The following AIF1L variants were observed in gnomAD, a reference collection of about 807,000 sequenced individuals.
AIF1L encodes allograft inflammatory factor 1 like.
Under a neutral mutation model 20.7 loss-of-function variants are expected in AIF1L, and 12 were observed. The ratio of observed to expected loss-of-function variants is 0.58; its 90% CI spans 0.37 to 0.94. The LOEUF (loss-of-function observed/expected upper bound fraction) is 0.94, where lower values mean the gene tolerates loss of function less well. AIF1L is among the 40% of genes least tolerant of loss of function. The pLI is 0.01. For missense variants in AIF1L, 173 were observed against 185.3 expected, an observed-to-expected ratio of 0.93 and a Z score of 0.39; for synonymous variants, 76 against 65.1, an observed-to-expected ratio of 1.17 and a Z score of -0.81.
In AIF1L at chr9:131,117,751, G is replaced by A. The variant is rs1293711862; in HGVS notation, c.203-5G>A. On this transcript the variant is annotated splice_region_variant and splice_polypyrimidine_tract_variant and intron_variant, in intron 4 of 5. Coordinates refer to ENST00000247291, the MANE Select transcript of AIF1L (RefSeq NM_031426.4). ...CACTTAACAGATCTGCTTTTCCCCCGGCAGACCTGATGTCTTTAAAGAGGA... is the reference window on the plus strand; with the variant it reads ...CACTTAACAGATCTGCTTTTCCCCCAGCAGACCTGATGTCTTTAAAGAGGA... The A allele has an allele frequency of 8.1e-6, 13 of 1,604,996 alleles. No homozygotes were observed. Among genetic ancestry groups the A allele is most frequent in the South Asian group, 3.3e-5 (3 of 89,908 alleles).
rs1307563187 is a variant in AIF1L at position 131,122,884 on chromosome 9, G to C, written c.*2562G>C. 2.0e-5 allele frequency: 3 copies of C among 152,318 alleles called. No individual in the cohort carries two copies. The highest frequency in any genetic ancestry group is 7.2e-5 in the African/African-American group (3 of 41,462). 9.4% of individuals were successfully genotyped at this position (152,318 alleles called of 1,614,324 possible). A position where few individuals can be genotyped will look rare whatever the true frequency, so the allele number is the denominator to read the frequency against. On this transcript the variant is annotated 3_prime_UTR_variant, in exon 6 of 6. Transcript: ENST00000247291. Reference sequence around the variant, plus strand: ...GCGGGGGCAGTCTGCATCTATTTCAGGTTGTGGCTCTTGGTTCTAGGACTC... The same window carrying C: ...GCGGGGGCAGTCTGCATCTATTTCACGTTGTGGCTCTTGGTTCTAGGACTC...
At position 131,117,745 on chromosome 9, in the gene AIF1L, T is replaced by TC. The variant is rs112041142; in HGVS notation, c.203-6dup. ...CATCTCCACTTAACAGATCTGCTTT[T>TC]CCCCCGGCAGACCTGATGTCTTTAA... is the stretch of plus-strand genomic sequence containing the variant. On this transcript the variant is annotated splice_polypyrimidine_tract_variant and intron_variant, in intron 4 of 5. Transcript: ENST00000247291. The TC allele has an allele frequency of 6.2e-7, 1 of 1,600,864 alleles. No homozygotes were observed. Among genetic ancestry groups the TC allele is most frequent in the East Asian group, 2.2e-5 (1 of 44,674 alleles).
rs572147108 is a variant in AIF1L, at chr9:131,119,423, C to T, written c.366-812C>T. Among the ~76,000 whole-genome samples the T allele has an allele frequency of 1.4e-4, 21 of 151,844 alleles. No homozygotes were observed. In the South Asian group the frequency reaches 3.7e-3, roughly 27 times the overall value. On this transcript the variant is annotated intron_variant, in intron 5 of 5. Coordinates refer to ENST00000247291, the MANE Select transcript of AIF1L (RefSeq NM_031426.4). Reference sequence around the variant, plus strand: ...GGCTGAGGCAGGAGAATCACTTGAGCCCAGGAGGCGGAGGTTGCAGTGAGC... The same window carrying T: ...GGCTGAGGCAGGAGAATCACTTGAGTCCAGGAGGCGGAGGTTGCAGTGAGC...
At chr9:131,120,180 A>C in intron 5 of AIF1L, 55 bp from the exon 6 acceptor site, 544 of 1,425,392 alleles carry the variant, frequency 3.8e-4, no homozygotes, top group Non-Finnish European at 4.9e-4. Context: ...TGGATGAGGG[A>C]AGGATCCTAA....
chr9:131,109,038 A>G (rs539461777), intron 2 of AIF1L, among the ~76,000 whole-genome samples: 23 of 152,218 alleles, frequency 1.5e-4, no homozygotes, highest in Non-Finnish European at 3.2e-4. Flanking sequence ...GAAGTAGGTC[A>G]AGTGATTAAT....
chr9:131,109,929 GC>G (rs1334046736), intron 2 of AIF1L, among the ~76,000 whole-genome samples: 1 of 152,134 alleles, frequency 6.6e-6, no homozygotes, highest in East Asian at 1.9e-4. Context: ...GTAGCTACTG[GC>G]CGGGCGCCGT....
At chr9:131,118,547 T>TC (rs1371778206) in intron 5 of AIF1L, among the ~76,000 whole-genome samples, 13 of 150,196 alleles carry the variant, frequency 8.7e-5, no homozygotes, top group African/African-American at 3.2e-4. Flanking sequence ...GCCTTAGTTT[T>TC]CCTTTTTTTT....
chr9:131,113,158 G>C (rs10121209), intron 3 of AIF1L, among the ~76,000 whole-genome samples: 8,815 of 151,966 alleles, frequency 0.058, 837 homozygotes, highest in African/African-American at 0.2. Flanking sequence ...AGAAATGAGG[G>C]AGGGAGGACA....
chr9:131,101,199 A>C (rs11244285), intron 2 of AIF1L, among the ~76,000 whole-genome samples: 2 of 151,956 alleles, frequency 1.3e-5, no homozygotes, highest in Non-Finnish European at 2.9e-5. Context: ...CCCGGCCAAC[A>C]GGTGAGATCT....
At chr9:131,108,680 C>G (rs1830806413) in intron 2 of AIF1L, among the ~76,000 whole-genome samples, 1 of 152,132 alleles carries the variant, frequency 6.6e-6, no homozygotes, top group African/African-American at 2.4e-5. Flanking sequence ...TGAGGGAAGC[C>G]CTGTTGCCAG....
intron 2 of AIF1L, among the ~76,000 whole-genome samples, chr9:131,099,358 G>A (rs893629988): frequency 5.3e-5 from 8 of 152,260 alleles, no homozygotes; most frequent in African/African-American, 1.9e-4. Context: ...TTTGCAGACT[G>A]TGGGGGAGTC....
intron 5 of AIF1L, 43 bp from the exon 6 acceptor site, chr9:131,120,192 C>G: frequency 6.3e-7 from 1 of 1,583,496 alleles, no homozygotes; most frequent in East Asian, 2.2e-5. Flanking sequence ...GGATCCTAAT[C>G]TTGTTTTTCT....
In AIF1L at chr9:131,096,864, G is replaced by C; in HGVS notation, c.93+1G>C. ...GAGGAGGCTGGCCGAGATCAACCGGGTAAGCCCCGCGCCCAGGGCAGCACG... is the reference window on the plus strand; with the variant it reads ...GAGGAGGCTGGCCGAGATCAACCGGCTAAGCCCCGCGCCCAGGGCAGCACG... On this transcript the variant is annotated splice_donor_variant, in intron 2 of 5. Coordinates refer to ENST00000247291, the MANE Select transcript of AIF1L (RefSeq NM_031426.4). LOFTEE classifies it high-confidence loss of function. The C allele has an allele frequency of 1.3e-6, 2 of 1,534,410 alleles. No homozygotes were observed. The highest frequency in any genetic ancestry group is 1.8e-6 in the Non-Finnish European group (2 of 1,141,854).
intron 2 of AIF1L, among the ~76,000 whole-genome samples, chr9:131,103,226 G>A (rs1830677009): frequency 6.6e-6 from 1 of 152,232 alleles, no homozygotes; most frequent in Non-Finnish European, 1.5e-5. Context: ...ACTGAGATGG[G>A]AGGGTTCAGG....
At chr9:131,118,959 G>A (rs918870009) in intron 5 of AIF1L, among the ~76,000 whole-genome samples, 3 of 152,194 alleles carry the variant, frequency 2.0e-5, no homozygotes, top group African/African-American at 7.2e-5. Flanking sequence ...GCTATTACTT[G>A]CTACCAAAAT....
intron 3 of AIF1L, chr9:131,111,883 G>T (rs996627236): frequency 3.5e-6 from 2 of 570,622 alleles, no homozygotes; most frequent in Non-Finnish European, 6.3e-6. Flanking sequence ...GTCACCCCTC[G>T]CCTGCAGCCC....
intron 2 of AIF1L, among the ~76,000 whole-genome samples, chr9:131,109,315 T>C (rs1190377988): frequency 6.6e-6 from 1 of 151,902 alleles, no homozygotes; most frequent in African/African-American, 2.4e-5. Context: ...TCCCAGCACT[T>C]TGGGAGGTCG....
chr9:131,108,609 T>C (rs1830804653), intron 2 of AIF1L, among the ~76,000 whole-genome samples: 2 of 152,220 alleles, frequency 1.3e-5, no homozygotes, highest in South Asian at 4.1e-4. Flanking sequence ...TAGCACAGTG[T>C]CTGCTACAGC....
intron 2 of AIF1L, among the ~76,000 whole-genome samples, chr9:131,100,114 C>T (rs1223001864): frequency 6.6e-6 from 1 of 152,148 alleles, no homozygotes; most frequent in Non-Finnish European, 1.5e-5. Context: ...CCAATCTCAG[C>T]TCATTGCAGC....
Sources: gnomAD v4.1 joint callset for allele counts (sites outside exome capture counted in the v4.1 genomes callset) on GRCh38, gnomAD v4.1.1 for gene constraint, MANE v1.5 for transcripts, NCBI Gene and HGNC (gene_info 2026-07-23, HGNC 2026-07-21) for gene names.